TMIGD3: variants seen among roughly 807,000 people sequenced by gnomAD.
TMIGD3 encodes AD026 protein (AD026).
TMIGD3 carries 21 observed loss-of-function variants against 28.1 expected under a neutral mutation model. The ratio of observed to expected loss-of-function variants is 0.75; its 90% CI spans 0.53 to 1.08. TMIGD3 has a LOEUF of 1.08. Among genes scored for constraint, TMIGD3 ranks in the 50% least tolerant of loss-of-function variants. The pLI is 0.00. For missense variants in TMIGD3, 416 were observed against 435.6 expected, an observed-to-expected ratio of 0.96 and a Z score of 0.40; for synonymous variants, 151 against 162.1, an observed-to-expected ratio of 0.93 and a Z score of 0.52.
chr1:111,507,053 A>G (rs868574107), upstream of TMIGD3, among the ~76,000 whole-genome samples: 780 of 121,712 alleles, frequency 6.4e-3, 4 homozygotes, highest in South Asian at 0.029. Flanking sequence ...ATATATATAT[A>G]TATATATGTT....
At chr1:111,502,861 C>T (rs1557824873) in intron 1 of TMIGD3, 144 bp downstream of exon 1, 1 of 1,025,986 alleles carries the variant, frequency 9.7e-7, no homozygotes. Context: ...CCTCACAGAC[C>T]ATATCACAAA....
intron 1 of TMIGD3, among the ~76,000 whole-genome samples, chr1:111,536,525 G>C (rs1331234899): frequency 6.6e-6 from 1 of 152,150 alleles, no homozygotes; most frequent in African/African-American, 2.4e-5. Flanking sequence ...ATACTCAGGA[G>C]AAAGAAGCAA....
At chr1:111,511,239 T>A (rs1046358915) in intron 1 of TMIGD3, among the ~76,000 whole-genome samples, 6 of 152,218 alleles carry the variant, frequency 3.9e-5, no homozygotes, top group Non-Finnish European at 8.8e-5. Context: ...GTAAACTCCT[T>A]AAATGTAGAA....
intron 1 of TMIGD3, among the ~76,000 whole-genome samples, chr1:111,514,166 A>G (rs559402217): frequency 2.0e-5 from 3 of 152,362 alleles, no homozygotes; most frequent in African/African-American, 7.2e-5. Flanking sequence ...TGGTAAAGCC[A>G]AAATGGCTCG....
At chr1:111,499,977 G>A in intron 1 of TMIGD3, 3 of 1,614,144 alleles carry the variant, frequency 1.9e-6, no homozygotes, top group Non-Finnish European at 2.5e-6. Flanking sequence ...CAATGCTTGT[G>A]TCCAAAGAAT....
intron 1 of TMIGD3, among the ~76,000 whole-genome samples, chr1:111,557,047 C>T (rs1657521542): frequency 6.6e-6 from 1 of 151,988 alleles, no homozygotes. Flanking sequence ...AAATACATAT[C>T]TAGACACTTT....
rs868839343 is a variant in TMIGD3 at position 111,530,021 on chromosome 1, G to A, written c.107+33825C>T. 1.5e-4 allele frequency among the ~76,000 whole-genome samples: 14 copies of A among 92,658 alleles called. 1 individual carries two copies. The highest frequency in any genetic ancestry group is 2.5e-4 in the Non-Finnish European group (11 of 43,546). The allele number at this position is 92,658 out of a possible 152,430, so 60.8% of individuals were successfully genotyped here. Reference sequence around the variant, plus strand: ...GCGCTGACCCCCCCACCTCCCTCCCGGACGGGGCGGCTGGCCGGGCAGAGG... The same window carrying A: ...GCGCTGACCCCCCCACCTCCCTCCCAGACGGGGCGGCTGGCCGGGCAGAGG... On this transcript the variant is annotated intron_variant, in intron 1 of 5. Coordinates refer to the TMIGD3 transcript ENST00000369717.
intron 1 of TMIGD3, among the ~76,000 whole-genome samples, chr1:111,502,771 C>G (rs1314394079): frequency 6.6e-6 from 1 of 151,810 alleles, no homozygotes; most frequent in East Asian, 1.9e-4. Context: ...GGATTGAGCA[C>G]CCACCCCTAG....
intron 1 of TMIGD3, among the ~76,000 whole-genome samples, chr1:111,523,262 G>T (rs1656142063): frequency 6.6e-6 from 1 of 152,146 alleles, no homozygotes; most frequent in Non-Finnish European, 1.5e-5. Flanking sequence ...TATTTTAGAT[G>T]TTAATATATG....
intron 1 of TMIGD3, among the ~76,000 whole-genome samples, chr1:111,516,926 A>T (rs1019750179): frequency 3.3e-5 from 5 of 152,204 alleles, no homozygotes; most frequent in African/African-American, 1.2e-4. Flanking sequence ...TCTAGGCACC[A>T]TTCTCACTCT....
chr1:111,550,370 T>C (rs1657211294), intron 1 of TMIGD3, among the ~76,000 whole-genome samples: 1 of 152,166 alleles, frequency 6.6e-6, no homozygotes, highest in Non-Finnish European at 1.5e-5. Flanking sequence ...TTTTCTTGCT[T>C]TGGGTTCAGT....
upstream of TMIGD3, chr1:111,503,778 A>G: frequency 9.8e-7 from 1 of 1,018,504 alleles, no homozygotes; most frequent in Non-Finnish European, 1.2e-6. Flanking sequence ...AAGAGGAAGT[A>G]CAGAGCTCAG....
intron 1 of TMIGD3, among the ~76,000 whole-genome samples, chr1:111,509,855 G>T (rs1655632336): frequency 1.3e-5 from 2 of 152,214 alleles, no homozygotes; most frequent in South Asian, 4.1e-4. Context: ...AGTATTATTA[G>T]ATCCATTTCA....
In TMIGD3 at chr1:111,485,802, A is replaced by C. The variant is rs1446961770; in HGVS notation, c.911T>G (p.Leu304Trp). Residue 304 changes from leucine to tryptophan, a missense_variant, in exon 5 of 6, where the codon TTG becomes TGG. Leu to Trp is a moderately conservative substitution (Grantham distance 61). Transcript: ENST00000369716. ...ATGACTGATTACAGAGATGATTCCCAAACCCGTGATCAGTATGCAAATGAT... is the reference window on the plus strand; with the variant it reads ...ATGACTGATTACAGAGATGATTCCCCAACCCGTGATCAGTATGCAAATGAT... ...ILIICILITG[L>W]GIISVISHLT... The C allele has an allele frequency of 1.2e-6, 2 of 1,610,552 alleles. No homozygotes were observed. Among genetic ancestry groups the C allele is most frequent in the Non-Finnish European group, 1.7e-6 (2 of 1,179,436 alleles).
chr1:111,557,091 A>C (rs1422250373), intron 1 of TMIGD3, among the ~76,000 whole-genome samples: 1 of 152,128 alleles, frequency 6.6e-6, no homozygotes, highest in Admixed American at 6.5e-5. Flanking sequence ...AGATCTACAA[A>C]GAGAAATGTT....
chr1:111,494,597 T>C (rs1007421347), intron 1 of TMIGD3, among the ~76,000 whole-genome samples: 1 of 152,160 alleles, frequency 6.6e-6, no homozygotes, highest in Non-Finnish European at 1.5e-5. Context: ...AAAATGGCCA[T>C]ATTGACCAAA....
At position 111,492,320 on chromosome 1, in the gene TMIGD3, C is replaced by T. The variant is rs113736656; in HGVS notation, c.351-1558G>A. ...ATTGCTATTTCAAGCCTCTAAGTTTCGGGTGTAATTTGTTGCACAGCAATG... is the reference window on the plus strand; with the variant it reads ...ATTGCTATTTCAAGCCTCTAAGTTTTGGGTGTAATTTGTTGCACAGCAATG... On this transcript the variant is annotated intron_variant, in intron 1 of 5. Transcript: ENST00000369716. Among the ~76,000 whole-genome samples, 951 of 152,238 alleles carry T rather than the reference C, an allele frequency of 6.2e-3. 12 individuals carry two copies. The highest frequency in any genetic ancestry group is 0.019 in the African/African-American group (807 of 41,532).
chr1:111,488,655 A>G (rs1289025122), intron 3 of TMIGD3, 22 bp downstream of exon 3: 1 of 1,598,458 alleles, frequency 6.3e-7, no homozygotes, highest in Non-Finnish European at 8.6e-7. Context: ...ACATCCAGCC[A>G]GACCCCAGGC....
At chr1:111,519,063 C>A (rs886991682) in intron 1 of TMIGD3, among the ~76,000 whole-genome samples, 3 of 152,144 alleles carry the variant, frequency 2.0e-5, no homozygotes, top group African/African-American at 7.2e-5. Context: ...CTCATCCTCC[C>A]AAGTAGCTTG....
Sources: gnomAD v4.1 joint callset for allele counts (sites outside exome capture counted in the v4.1 genomes callset) on GRCh38, gnomAD v4.1.1 for gene constraint, MANE v1.5 for transcripts, NCBI Gene and HGNC (gene_info 2026-07-23, HGNC 2026-07-21) for gene names.